Variants in FRAS1 observed in about 807,000 individuals in gnomAD.
FRAS1 encodes the protein Fraser extracellular matrix complex subunit 1, also known as extracellular matrix organizing protein FRAS1.
Under a neutral mutation model 435.2 loss-of-function variants are expected in FRAS1, and 290 were observed. The ratio of observed to expected loss-of-function variants is 0.67; its 90% CI spans 0.61 to 0.73. The LOEUF (loss-of-function observed/expected upper bound fraction) is 0.73, where lower values mean the gene tolerates loss of function less well. Among genes scored for constraint, FRAS1 ranks in the 30% least tolerant of loss-of-function variants. The probability of loss-of-function intolerance (pLI) is 0.00; values close to 1 mark genes in which losing one functional copy is unlikely to be tolerated. For missense variants in FRAS1, 4,860 were observed against 5,001.5 expected (o/e 0.97, Z 0.85); for synonymous variants, 1,800 against 1,851.0 (o/e 0.97, Z 0.71).
At chr4:78,321,830 AACTTCGTC>A (rs1472925297) in intron 18 of FRAS1, among the ~76,000 whole-genome samples, 20 of 137,044 alleles carry the variant, frequency 1.5e-4, no homozygotes, top group African/African-American at 6.0e-4. Flanking sequence ...GAGTTAACAA[AACTTCGTC>A]AAAAAAAAAA....
chr4:78,094,104 GT>G (rs71214395), intron 2 of FRAS1, among the ~76,000 whole-genome samples: 1,605 of 106,598 alleles, frequency 0.015, 10 homozygotes, highest in East Asian at 0.044. Context: ...GAATAACCAA[GT>G]TTTTTTTTTT....
intron 27 of FRAS1, among the ~76,000 whole-genome samples, chr4:78,382,159 A>G (rs919165105): frequency 6.6e-6 from 1 of 152,138 alleles, no homozygotes; most frequent in Non-Finnish European, 1.5e-5. Context: ...CATTGCTGAT[A>G]TACTGAACAC....
chr4:78,312,883 A>G (rs439889), intron 15 of FRAS1, among the ~76,000 whole-genome samples: 7,263 of 92,108 alleles, frequency 0.079, 645 homozygotes, highest in African/African-American at 0.25. Flanking sequence ...GAGAGAGAGA[A>G]AGAAAGAAAG....
intron 70 of FRAS1, among the ~76,000 whole-genome samples, chr4:78,526,866 C>T (rs1023147456): frequency 1.3e-5 from 2 of 152,158 alleles, no homozygotes; most frequent in East Asian, 1.9e-4. Flanking sequence ...CTTCTTGTTG[C>T]GGCTCTCATA....
chr4:78,451,877 C>T lies in FRAS1; in HGVS notation c.6569C>T (p.Ser2190Phe), dbSNP rs200166354. 1.9e-4 allele frequency: 309 copies of T among 1,612,126 alleles called. 1 individual carries two copies. In the East Asian group the frequency reaches 3.1e-3, roughly 16 times the overall value. Reference sequence around the variant, plus strand: ...AACAGATTGATTGACAAGTCATTTTCCATCAGCATTCTAGGTAAAGAGACA... The same window carrying T: ...AACAGATTGATTGACAAGTCATTTTTCATCAGCATTCTAGGTAAAGAGACA... ...EGNRLIDKSF[S>F]ISILEDKSPP... is the part of the protein sequence containing the mutation. The change falls in exon 46 of 74, where the codon TCC (serine) becomes TTC (phenylalanine). Residue 2190 changes from serine (S) to phenylalanine (F), a missense_variant. Transcript: ENST00000512123.
intron 2 of FRAS1, chr4:78,181,935 TC>T (rs1455367312): frequency 6.2e-7 from 1 of 1,608,912 alleles, no homozygotes; most frequent in African/African-American, 1.3e-5. Flanking sequence ...GCTTCTTTTT[TC>T]TTGTTCTCCG....
At chr4:78,334,785 T>G (rs1730105041) in intron 19 of FRAS1, among the ~76,000 whole-genome samples, 1 of 151,286 alleles carries the variant, frequency 6.6e-6, no homozygotes, top group Non-Finnish European at 1.5e-5. Flanking sequence ...AAGAGATGGA[T>G]TCTCACTCTG....
chr4:78,403,460 T>C (rs927315265), intron 30 of FRAS1, among the ~76,000 whole-genome samples: 2 of 152,184 alleles, frequency 1.3e-5, no homozygotes, highest in Middle Eastern at 3.2e-3. Context: ...AGGAGTGAAA[T>C]TGGTGGTGGG....
At chr4:78,143,992 TA>T (rs941357338) in intron 2 of FRAS1, among the ~76,000 whole-genome samples, 9 of 151,304 alleles carry the variant, frequency 5.9e-5, no homozygotes, top group Admixed American at 4.6e-4. Context: ...AAAAAATACT[TA>T]AAAAATTTCC....
At chr4:78,474,277 G>A (rs951584943) in intron 53 of FRAS1, among the ~76,000 whole-genome samples, 1 of 152,208 alleles carries the variant, frequency 6.6e-6, no homozygotes, top group African/African-American at 2.4e-5. Context: ...TAAAGGTAGT[G>A]TGCAAGCATG....
chr4:78,512,948 A>G (rs567975441), intron 64 of FRAS1, among the ~76,000 whole-genome samples: 1 of 152,324 alleles, frequency 6.6e-6, no homozygotes, highest in Non-Finnish European at 1.5e-5. Flanking sequence ...GCTCAACGAT[A>G]TATTTTTGAC....
chr4:78,307,950 T>C, intron 14 of FRAS1, 116 bp from the exon 15 acceptor site: 1 of 1,020,782 alleles, frequency 9.8e-7, no homozygotes, highest in African/African-American at 1.6e-5. Flanking sequence ...AATAGCAGTT[T>C]AGGAACTAAG....
At chr4:78,261,425 A>T (rs568319275) in intron 6 of FRAS1, among the ~76,000 whole-genome samples, 1 of 152,272 alleles carries the variant, frequency 6.6e-6, no homozygotes, top group African/African-American at 2.4e-5. Context: ...TGCTATCCCC[A>T]AATATAGCAT....
At chr4:78,390,702 T>A (rs1732410552) in intron 29 of FRAS1, among the ~76,000 whole-genome samples, 1 of 152,210 alleles carries the variant, frequency 6.6e-6, no homozygotes. Flanking sequence ...AAGAAAAAAA[T>A]GCCTCAACTC....
At chr4:78,380,792 C>CCT (rs1173584398) in intron 27 of FRAS1, among the ~76,000 whole-genome samples, 1 of 152,112 alleles carries the variant, frequency 6.6e-6, no homozygotes, top group African/African-American at 2.4e-5. Flanking sequence ...TCAACACTAA[C>CCT]CTTGAGGGTT....
At chr4:78,331,959 G>A (rs1263903750) in intron 18 of FRAS1, among the ~76,000 whole-genome samples, 2 of 152,206 alleles carry the variant, frequency 1.3e-5, no homozygotes, top group African/African-American at 4.8e-5. Context: ...GGCCACAAAG[G>A]GGAGCACGAG....
chr4:78,371,091 G>T (rs58643242), intron 23 of FRAS1, among the ~76,000 whole-genome samples: 26,358 of 122,926 alleles, frequency 0.21, 3,725 homozygotes, highest in African/African-American at 0.42. Context: ...CTGTTTTTTT[G>T]TTTTTTTTTT....
intron 2 of FRAS1, among the ~76,000 whole-genome samples, chr4:78,101,040 T>G (rs531276754): frequency 6.6e-6 from 1 of 152,260 alleles, no homozygotes; most frequent in African/African-American, 2.4e-5. Context: ...ACATAGGGGT[T>G]GCTGAAGGGC....
At position 78,441,221 on chromosome 4, in the gene FRAS1, TGAC is replaced by T. The variant is rs1734646122; in HGVS notation, c.5590_5592del (p.Asp1864del). The T allele has an allele frequency of 1.2e-6, 2 of 1,613,722 alleles. No homozygotes were observed. The highest frequency in any genetic ancestry group is 1.7e-6 in the Non-Finnish European group (2 of 1,179,754). On this transcript the variant is annotated inframe_deletion, in exon 41 of 74. Transcript: ENST00000512123. ...ACCATTTTTTTGCTACTGATGATGA[TGAC>T]AACCTCCAGAGAGATGCCATCATTA...
Sources: gnomAD v4.1 joint callset for allele counts (sites outside exome capture counted in the v4.1 genomes callset) on GRCh38, gnomAD v4.1.1 for gene constraint, MANE v1.5 for transcripts, NCBI Gene and HGNC (gene_info 2026-07-23, HGNC 2026-07-21) for gene names.